MSL2: variants seen among roughly 807,000 people sequenced by gnomAD.
MSL2 encodes the protein E3 ubiquitin-protein ligase MSL2.
Under a neutral mutation model 35.8 loss-of-function variants are expected in MSL2, and 2 were observed. That is an observed-to-expected ratio of 0.06 (90% CI 0.02 to 0.18). The LOEUF (loss-of-function observed/expected upper bound fraction) is 0.18, where lower values mean the gene tolerates loss of function less well. Among genes scored for constraint, MSL2 ranks in the 10% least tolerant of loss-of-function variants. The pLI, the probability that MSL2 is intolerant of heterozygous loss-of-function variation, is 1.00. For synonymous variants in MSL2, 296 were observed against 255.7 expected, an observed-to-expected ratio of 1.16 and a Z score of -1.50; for missense variants, 523 against 706.7, an observed-to-expected ratio of 0.74 and a Z score of 2.95.
chr3:136,167,763 G>C (rs955962699), intron 1 of MSL2, among the ~76,000 whole-genome samples: 1 of 152,014 alleles, frequency 6.6e-6, no homozygotes, highest in African/African-American at 2.4e-5. Flanking sequence ...TCCACAAGAA[G>C]ACTCAAATCT....
At chr3:136,184,608 A>C (rs969565932) in intron 1 of MSL2, among the ~76,000 whole-genome samples, 2 of 152,128 alleles carry the variant, frequency 1.3e-5, no homozygotes, top group African/African-American at 4.8e-5. Flanking sequence ...GTCTCAAAAA[A>C]ACAAACAAAC....
At chr3:136,192,592 A>C (rs1419847087) in intron 1 of MSL2, among the ~76,000 whole-genome samples, 1 of 152,182 alleles carries the variant, frequency 6.6e-6, no homozygotes, top group Non-Finnish European at 1.5e-5. Context: ...ATAAAAAAAA[A>C]AAGAAAAAGA....
In MSL2 at chr3:136,195,223, G is replaced by T; in HGVS notation, c.-110C>A. On this transcript the variant is annotated 5_prime_UTR_variant, in exon 1 of 2. Coordinates refer to ENST00000309993, the MANE Select transcript of MSL2 (RefSeq NM_018133.4). The stretch of plus-strand genomic sequence containing the variant: ...TTGCAACAATTCGGAAGAAATCAGA[G>T]CCGAACCATTGGCCAAACAAGTAAC... The T allele has an allele frequency of 6.6e-7, 1 of 1,519,356 alleles. No homozygotes were observed. 94.1% of individuals were successfully genotyped at this position (1,519,356 alleles called of 1,614,324 possible). A position where few individuals can be genotyped will look rare whatever the true frequency, so the allele number is the denominator to read the frequency against.
At chr3:136,178,750 G>A (rs1226884193) in intron 1 of MSL2, among the ~76,000 whole-genome samples, 1 of 148 alleles carries the variant, frequency 6.8e-3, no homozygotes, top group Non-Finnish European at 0.011. Flanking sequence ...GGCCAGGCTG[G>A]TCTCGAACTC....
At chr3:136,191,562 T>C (rs1940691728) in intron 1 of MSL2, among the ~76,000 whole-genome samples, 1 of 151,908 alleles carries the variant, frequency 6.6e-6, no homozygotes, top group South Asian at 2.1e-4. Flanking sequence ...CAAGGATAGT[T>C]TGAGCCTAGG....
chr3:136,184,766 A>C (rs1480705752), intron 1 of MSL2, among the ~76,000 whole-genome samples: 3 of 143,324 alleles, frequency 2.1e-5, no homozygotes, highest in Non-Finnish European at 3.0e-5. Flanking sequence ...GGGGGGGGAC[A>C]AAGGTCACGT....
chr3:136,189,135 A>AAAAAAAAAACAAAAC (rs746820441), intron 1 of MSL2, among the ~76,000 whole-genome samples: 1 of 121,650 alleles, frequency 8.2e-6, no homozygotes, highest in African/African-American at 4.0e-5. Flanking sequence ...AAAAAAAAAA[A>AAAAAAAAAACAAAAC]ACACACACAC....
chr3:136,182,929 G>C (rs2108088686), intron 1 of MSL2, among the ~76,000 whole-genome samples: 1 of 152,324 alleles, frequency 6.6e-6, no homozygotes, highest in African/African-American at 2.4e-5. Flanking sequence ...CAGATGAGTA[G>C]TCAGAAGGTT....
At chr3:136,194,558 G>A in intron 1 of MSL2, 2 of 580,102 alleles carry the variant, frequency 3.4e-6, no homozygotes, top group Non-Finnish European at 4.4e-6. Context: ...CCAGTTTGGG[G>A]AAATGCAAAC....
chr3:136,179,286 A>G (rs2108084265), intron 1 of MSL2, among the ~76,000 whole-genome samples: 1 of 152,246 alleles, frequency 6.6e-6, no homozygotes, highest in South Asian at 2.1e-4. Context: ...TCCTGGGTTC[A>G]AGCAATCCCT....
intron 1 of MSL2, among the ~76,000 whole-genome samples, chr3:136,160,341 G>GGGAGGGAGGGAC (rs1251844139): frequency 1.0e-3 from 3 of 2,948 alleles, no homozygotes; most frequent in Non-Finnish European, 4.1e-3. Context: ...GAAGGAAGGA[G>GGGAGGGAGGGAC]GGAGGGAGGG....
intron 1 of MSL2, among the ~76,000 whole-genome samples, chr3:136,168,160 G>A (rs933959543): frequency 3.3e-5 from 5 of 152,028 alleles, no homozygotes; most frequent in African/African-American, 9.7e-5. Context: ...AGGAGTTATC[G>A]CTTGAAGCCA....
intron 1 of MSL2, among the ~76,000 whole-genome samples, chr3:136,161,237 TG>T (rs765244130): frequency 2.4e-4 from 36 of 152,198 alleles, no homozygotes; most frequent in Non-Finnish European, 4.0e-4. Flanking sequence ...GTGAAGAAAC[TG>T]GAACCCTTAT....
At chr3:136,153,164 G>A in intron 1 of MSL2, 1 of 600,230 alleles carries the variant, frequency 1.7e-6, no homozygotes, top group Non-Finnish European at 2.1e-6. Context: ...GAGCCCTAGA[G>A]TTCAGGCTAC....
At chr3:136,191,597 C>T (rs1358815890) in intron 1 of MSL2, among the ~76,000 whole-genome samples, 1 of 152,084 alleles carries the variant, frequency 6.6e-6, no homozygotes, top group South Asian at 2.1e-4. Context: ...CTGGGCAACA[C>T]GGTAAGACCC....
At position 136,195,416 on chromosome 3, in the gene MSL2, C is replaced by A. The variant is rs1298943002; in HGVS notation, c.-303G>T. ...AACGCGGCGGCTTGGGCGCTCGGGG[C>A]GGGACTCGGAGCTCAGTCTAGCCCC... On this transcript the variant is annotated 5_prime_UTR_variant, in exon 1 of 2. Transcript: ENST00000309993. The A allele has an allele frequency of 2.7e-6, 3 of 1,122,946 alleles. No homozygotes were observed. The highest frequency in any genetic ancestry group is 2.5e-5 in the South Asian group (1 of 39,612). The allele number at this position is 1,122,946 out of a possible 1,614,324, so 69.6% of individuals were successfully genotyped here.
chr3:136,168,596 C>T (rs1576363845), intron 1 of MSL2, among the ~76,000 whole-genome samples: 1 of 152,118 alleles, frequency 6.6e-6, no homozygotes, highest in Non-Finnish European at 1.5e-5. Flanking sequence ...GAACATCACA[C>T]ATCTGAGCCT....
chr3:136,192,295 CAG>C (rs1368348667), intron 1 of MSL2, among the ~76,000 whole-genome samples: 1 of 152,212 alleles, frequency 6.6e-6, no homozygotes. Context: ...AGATCGGCCT[CAG>C]CCTCCTGAGT....
intron 1 of MSL2, among the ~76,000 whole-genome samples, chr3:136,167,948 C>T (rs1004299152): frequency 1.4e-4 from 21 of 150,662 alleles, no homozygotes; most frequent in African/African-American, 5.1e-4. Flanking sequence ...CTTTTATTGA[C>T]GAGAACCACA....
Sources: gnomAD v4.1 joint callset for allele counts (sites outside exome capture counted in the v4.1 genomes callset) on GRCh38, gnomAD v4.1.1 for gene constraint, MANE v1.5 for transcripts, NCBI Gene and HGNC (gene_info 2026-07-23, HGNC 2026-07-21) for gene names.